Variants in SETBP1 observed in about 807,000 individuals in gnomAD.
The protein encoded by SETBP1 is SET binding protein 1.
In SETBP1, 9 loss-of-function variants were observed where a neutral mutation model predicts 101.0. That is an observed-to-expected ratio of 0.09 (90% CI 0.05 to 0.16). SETBP1 has a LOEUF of 0.16. Ranked by LOEUF, SETBP1 falls within the 10% of genes least tolerant of loss-of-function variation. The pLI is 1.00. For synonymous variants in SETBP1, 818 were observed against 788.5 expected (o/e 1.04, Z -0.63); for missense variants, 1,858 against 2,033.8 (o/e 0.91, Z 1.66).
rs1402678892 is a variant in SETBP1, at chr18:44,949,908, A to G, written c.568A>G (p.Thr190Ala). 4 of 1,613,422 alleles carry G rather than the reference A, an allele frequency of 2.5e-6. No individual in the cohort carries two copies. Among genetic ancestry groups the G allele is most frequent in the Admixed American group, 3.3e-5 (2 of 59,964 alleles). ...TTACGAGAGGCCCCAGAAACATTCAACTCTCCATTATGACACGGGCCTCCC... is the reference window on the plus strand; with the variant it reads ...TTACGAGAGGCCCCAGAAACATTCAGCTCTCCATTATGACACGGGCCTCCC... ...QAYERPQKHS[T>A]LHYDTGLPQD... is the part of the protein sequence containing the mutation. The change falls in exon 4 of 6, where the codon ACT becomes GCT. Residue 190 changes from threonine (T) to alanine (A), a missense_variant. Physicochemically the swap from Thr to Ala is moderately conservative, Grantham distance 58. Transcript: ENST00000649279.
intron 2 of SETBP1, among the ~76,000 whole-genome samples, chr18:44,728,449 T>C (rs1027757738): frequency 6.6e-6 from 1 of 152,216 alleles, no homozygotes; most frequent in African/African-American, 2.4e-5. Context: ...TGTGTTTGGG[T>C]ACCTGTTACT....
rs1015494029 is a variant in SETBP1 at position 44,701,561 on chromosome 18, A to C, written c.215A>C (p.Asn72Thr). The change falls in exon 2 of 6, where the codon AAC becomes ACC. Residue 72 changes from asparagine (N) to threonine (T), a missense_variant. This residue lies in a region of SETBP1 where 97 missense variants were observed against 101.2 expected (regional missense o/e 0.96). Coordinates refer to ENST00000649279, the MANE Select transcript of SETBP1 (RefSeq NM_015559.3). ...ELGSGRDVDS[N>T]SNADSEKWVA... Reference sequence around the variant, plus strand: ...GGCTCAGGGCGGGATGTGGATTCCAACTCCAACGCGGACAGTGAGAAATGG... The same window carrying C: ...GGCTCAGGGCGGGATGTGGATTCCACCTCCAACGCGGACAGTGAGAAATGG... 6.2e-7 allele frequency: 1 copy of C among 1,613,898 alleles called. No homozygotes were observed. Among genetic ancestry groups the C allele is most frequent in the Non-Finnish European group, 8.5e-7 (1 of 1,180,008 alleles).
At chr18:44,990,449 A>G (rs1480856604) in intron 4 of SETBP1, among the ~76,000 whole-genome samples, 2 of 152,076 alleles carry the variant, frequency 1.3e-5, no homozygotes, top group African/African-American at 4.8e-5. Flanking sequence ...AAGATTAGCT[A>G]GGCATGGTTG....
At chr18:44,756,556 T>C (rs1396294919) in intron 2 of SETBP1, among the ~76,000 whole-genome samples, 5 of 152,136 alleles carry the variant, frequency 3.3e-5, no homozygotes, top group African/African-American at 9.7e-5. Flanking sequence ...GGAGTGCTTG[T>C]CCTTCTGCTG....
intron 4 of SETBP1, among the ~76,000 whole-genome samples, chr18:44,992,697 A>G (rs774613194): frequency 6.6e-6 from 1 of 152,080 alleles, no homozygotes; most frequent in Non-Finnish European, 1.5e-5. Context: ...CATTAAATAA[A>G]TAGAATCAAT....
chr18:44,926,861 G>C (rs1350858198), intron 3 of SETBP1, among the ~76,000 whole-genome samples: 1 of 152,184 alleles, frequency 6.6e-6, no homozygotes, highest in East Asian at 1.9e-4. Flanking sequence ...GTCTTTCCTT[G>C]GAGGTCGGTT....
chr18:44,737,329 A>G (rs566242189), intron 2 of SETBP1, among the ~76,000 whole-genome samples: 10 of 152,304 alleles, frequency 6.6e-5, no homozygotes, highest in Non-Finnish European at 1.2e-4. Context: ...AGGTGAGTAT[A>G]GCCCACTTGG....
At chr18:44,777,788 C>T (rs1315926526) in intron 2 of SETBP1, among the ~76,000 whole-genome samples, 1 of 152,218 alleles carries the variant, frequency 6.6e-6, no homozygotes. Context: ...CTGACTTTCA[C>T]ACAACTTCTG....
intron 4 of SETBP1, among the ~76,000 whole-genome samples, chr18:44,970,377 T>A (rs1452543570): frequency 1.3e-5 from 2 of 152,238 alleles, no homozygotes; most frequent in African/African-American, 2.4e-5. Context: ...TATGTACCTA[T>A]ATGTAGCAGA....
chr18:44,702,694 A>G (rs551930059), intron 2 of SETBP1, among the ~76,000 whole-genome samples: 78 of 152,336 alleles, frequency 5.1e-4, no homozygotes, highest in Middle Eastern at 3.4e-3. Flanking sequence ...ACTACTGTAA[A>G]TCTTCCTAAG....
chr18:45,064,053 T>G lies in SETBP1; in HGVS notation c.*355T>G. The stretch of plus-strand genomic sequence containing the variant: ...GTGCGCCCTCGACTCCCGATTTCAT[T>G]TGCTGGCCAGGAAAATCGAAAGGGA... On this transcript the variant is annotated 3_prime_UTR_variant, in exon 6 of 6. Coordinates refer to ENST00000649279, the MANE Select transcript of SETBP1 (RefSeq NM_015559.3). The G allele has an allele frequency of 5.1e-6, 1 of 197,950 alleles. No individual in the cohort carries two copies. Among genetic ancestry groups the G allele is most frequent in the Non-Finnish European group, 1.0e-5 (1 of 97,194 alleles). The allele number at this position is 197,950 out of a possible 1,614,324, so 12.3% of individuals were successfully genotyped here. A position where few individuals can be genotyped will look rare whatever the true frequency, so the allele number is the denominator to read the frequency against.
chr18:44,938,692 G>C (rs1201727839), intron 3 of SETBP1, among the ~76,000 whole-genome samples: 1 of 152,164 alleles, frequency 6.6e-6, no homozygotes, highest in Non-Finnish European at 1.5e-5. Context: ...GTGGAGACAC[G>C]GGCTTCACCT....
At chr18:44,845,874 C>G (rs1256055297) in intron 2 of SETBP1, among the ~76,000 whole-genome samples, 1 of 152,194 alleles carries the variant, frequency 6.6e-6, no homozygotes, top group African/African-American at 2.4e-5. Flanking sequence ...CTTCAGGTTG[C>G]GAGCCCTGTT....
chr18:44,864,102 G>A (rs1216757421), intron 2 of SETBP1, among the ~76,000 whole-genome samples: 5 of 152,126 alleles, frequency 3.3e-5, no homozygotes, highest in African/African-American at 1.2e-4. Context: ...TCCTGGGGCA[G>A]GAGGACAGAG....
At chr18:45,001,921 T>C (rs947374422) in intron 4 of SETBP1, among the ~76,000 whole-genome samples, 3 of 152,032 alleles carry the variant, frequency 2.0e-5, no homozygotes, top group Non-Finnish European at 4.4e-5. Context: ...TCCCACAGAG[T>C]GAGAGGGAGC....
intron 2 of SETBP1, among the ~76,000 whole-genome samples, chr18:44,720,423 T>C (rs569075503): frequency 2.0e-5 from 3 of 152,270 alleles, no homozygotes; most frequent in African/African-American, 7.2e-5. Context: ...CCAACATATA[T>C]ATTTGAGAAA....
At chr18:45,028,087 T>A (rs1327012400) in intron 4 of SETBP1, among the ~76,000 whole-genome samples, 1 of 152,138 alleles carries the variant, frequency 6.6e-6, no homozygotes, top group East Asian at 1.9e-4. Context: ...TGTATACGTG[T>A]GCCATGCTGG....
chr18:45,023,478 A>G (rs1267939709), intron 4 of SETBP1, among the ~76,000 whole-genome samples: 2 of 152,240 alleles, frequency 1.3e-5, no homozygotes, highest in African/African-American at 4.8e-5. Flanking sequence ...CACAGTAGGC[A>G]CTGAAACTTT....
rs146920269 is a variant in SETBP1, at chr18:44,686,129, C to T, written c.-173+5108C>T. ...AGAAAAGAACTAATAGCAGCGTTGC[C>T]GCTGTCCCAGCAAATCCAGTAAGTT... On this transcript the variant is annotated intron_variant, in intron 1 of 5. Coordinates refer to ENST00000649279, the MANE Select transcript of SETBP1 (RefSeq NM_015559.3). 2.9e-3 allele frequency among the ~76,000 whole-genome samples: 436 copies of T among 152,354 alleles called. 1 individual carries two copies. The highest frequency in any genetic ancestry group is 9.5e-3 in the African/African-American group (395 of 41,578).
Sources: gnomAD v4.1 joint callset for allele counts (sites outside exome capture counted in the v4.1 genomes callset) on GRCh38, gnomAD v4.1.1 for gene constraint, gnomAD v4.1.1 regional missense constraint, MANE v1.5 for transcripts, NCBI Gene and HGNC (gene_info 2026-07-23, HGNC 2026-07-21) for gene names.